Variants in SHROOM3 observed in about 807,000 individuals in gnomAD.
The protein encoded by SHROOM3 is shroom family member 3.
A neutral mutation model predicts 138.6 loss-of-function variants in SHROOM3; 47 were observed. The observed-to-expected ratio is 0.34, with a 90% confidence interval of 0.27 to 0.43. The LOEUF is 0.43. SHROOM3 is among the 20% of genes least tolerant of loss of function. The pLI is 1.00. For missense variants in SHROOM3, 2,491 were observed against 2,596.5 expected (o/e 0.96, Z 0.88); for synonymous variants, 1,062 against 1,063.3 (o/e 1.00, Z 0.02).
chr4:76,739,826 G>T lies in SHROOM3; in HGVS notation c.1653G>T (p.Lys551Asn). ...PVEKKPEATA[K>N]YVPSKVHFCS... ...AGAAGAAACCAGAAGCTACAGCCAA[G>T]TATGTCCCCTCCAAAGTCCATTTCT... is the stretch of plus-strand genomic sequence containing the variant. The change falls in exon 5 of 11, where the codon AAG becomes AAT. Residue 551 changes from lysine (K) to asparagine (N), a missense_variant. Lys to Asn is a moderately conservative substitution (Grantham distance 94, BLOSUM62 0). Coordinates refer to ENST00000296043, the MANE Select transcript of SHROOM3 (RefSeq NM_020859.4). 6.2e-7 allele frequency: 1 copy of T among 1,614,210 alleles called. No individual in the cohort carries two copies. The highest frequency in any genetic ancestry group is 8.5e-7 in the Non-Finnish European group (1 of 1,180,042).
In SHROOM3 at chr4:76,459,184, A is replaced by G. The variant is rs17001990; in HGVS notation, c.168+22964A>G. The stretch of plus-strand genomic sequence containing the variant: ...TCTCTTTGAACATAACCAGTAAAGG[A>G]AAGAAGCATCCGTGGCCATCAAACT... On this transcript the variant is annotated intron_variant, in intron 1 of 10. Coordinates refer to ENST00000296043, the MANE Select transcript of SHROOM3 (RefSeq NM_020859.4). Among the ~76,000 whole-genome samples, 899 of 152,306 alleles carry G rather than the reference A, an allele frequency of 5.9e-3. 11 individuals are homozygous for G. The highest frequency in any genetic ancestry group is 0.021 in the African/African-American group (853 of 41,570).
intron 1 of SHROOM3, among the ~76,000 whole-genome samples, chr4:76,484,600 CAAACAAACAAAA>C (rs386676259): frequency 0.016 from 2,442 of 148,184 alleles, 61 homozygotes; most frequent in African/African-American, 0.055. Context: ...AACAAACAAA[CAAACAAACAAAA>C]AGTCTTAGGA....
chr4:76,600,493 T>A (rs537802083), intron 2 of SHROOM3, among the ~76,000 whole-genome samples: 14 of 152,306 alleles, frequency 9.2e-5, no homozygotes, highest in Admixed American at 9.2e-4. Flanking sequence ...AATAGGCCAC[T>A]GAAGCTACAC....
intron 2 of SHROOM3, among the ~76,000 whole-genome samples, chr4:76,577,788 T>C (rs1167414483): frequency 6.6e-6 from 1 of 152,218 alleles, no homozygotes; most frequent in Non-Finnish European, 1.5e-5. Flanking sequence ...GCATACATTT[T>C]CTGAGAGGGA....
At chr4:76,529,284 C>T (rs947188252) in intron 1 of SHROOM3, among the ~76,000 whole-genome samples, 23 of 151,890 alleles carry the variant, frequency 1.5e-4, no homozygotes, top group African/African-American at 5.6e-4. Flanking sequence ...CTTATGTTGG[C>T]TTAGGGCTCT....
intron 1 of SHROOM3, among the ~76,000 whole-genome samples, chr4:76,511,307 A>C (rs903286454): frequency 1.3e-5 from 2 of 151,892 alleles, no homozygotes; most frequent in Admixed American, 6.6e-5. Context: ...CAGTAGGATA[A>C]GATGGTATTA....
At chr4:76,479,458 A>G (rs28789721) in intron 1 of SHROOM3, among the ~76,000 whole-genome samples, 7,813 of 151,902 alleles carry the variant, frequency 0.051, 249 homozygotes, top group African/African-American at 0.083. Context: ...AATGAACAAA[A>G]CCTCCAAAAA....
intron 1 of SHROOM3, among the ~76,000 whole-genome samples, chr4:76,524,881 G>A (rs1200392589): frequency 1.3e-5 from 2 of 152,112 alleles, no homozygotes; most frequent in Middle Eastern, 3.2e-3. Flanking sequence ...CAGGCCAAAG[G>A]TAGGCATGCC....
intron 1 of SHROOM3, chr4:76,509,209 T>A (rs1212434934): frequency 2.0e-5 from 3 of 152,224 alleles, no homozygotes; most frequent in Non-Finnish European, 4.4e-5. Flanking sequence ...GGAATTTTTT[T>A]AAAATTTCAT....
intron 1 of SHROOM3, among the ~76,000 whole-genome samples, chr4:76,512,736 T>C (rs1732363998): frequency 6.6e-6 from 1 of 152,142 alleles, no homozygotes; most frequent in Non-Finnish European, 1.5e-5. Context: ...GAATCATACA[T>C]TTCTCTTTCA....
intron 1 of SHROOM3, among the ~76,000 whole-genome samples, chr4:76,506,944 T>C (rs1253765761): frequency 6.6e-6 from 1 of 152,182 alleles, no homozygotes; most frequent in East Asian, 1.9e-4. Context: ...CTCTATTTTA[T>C]ATATTTGGTC....
chr4:76,604,856 T>C (rs1431413784), intron 2 of SHROOM3, among the ~76,000 whole-genome samples: 2 of 152,218 alleles, frequency 1.3e-5, no homozygotes, highest in African/African-American at 4.8e-5. Flanking sequence ...AGTAAACAAT[T>C]AGCTGACTAT....
At chr4:76,550,339 GT>G in intron 1 of SHROOM3, among the ~76,000 whole-genome samples, 1 of 152,158 alleles carries the variant, frequency 6.6e-6, no homozygotes, top group Non-Finnish European at 1.5e-5. Context: ...ACCTCAAAGA[GT>G]TTAGGACCTA....
chr4:76,472,729 C>T (rs890843816), intron 1 of SHROOM3, among the ~76,000 whole-genome samples: 1 of 151,080 alleles, frequency 6.6e-6, no homozygotes, highest in Admixed American at 6.6e-5. Flanking sequence ...GAGTCTCCCT[C>T]TGTCGCCCAC....
intron 2 of SHROOM3, among the ~76,000 whole-genome samples, chr4:76,597,921 C>T (rs1370784712): frequency 6.6e-6 from 1 of 152,166 alleles, no homozygotes; most frequent in African/African-American, 2.4e-5. Context: ...TACAATCTCC[C>T]AGGCACTGTG....
chr4:76,454,214 T>C (rs1730982752), intron 1 of SHROOM3, among the ~76,000 whole-genome samples: 1 of 152,158 alleles, frequency 6.6e-6, no homozygotes, highest in Non-Finnish European at 1.5e-5. Flanking sequence ...TGACTAATTT[T>C]TGTATTTTTA....
chr4:76,761,772 T>C (rs894522491), intron 9 of SHROOM3, among the ~76,000 whole-genome samples: 1 of 152,134 alleles, frequency 6.6e-6, no homozygotes, highest in Non-Finnish European at 1.5e-5. Context: ...TTCGAGTCAT[T>C]TGGAGTGCCT....
chr4:76,585,981 A>G (rs1216616359), intron 2 of SHROOM3, among the ~76,000 whole-genome samples: 1 of 152,192 alleles, frequency 6.6e-6, no homozygotes, highest in East Asian at 1.9e-4. Flanking sequence ...CGTCGTGTTT[A>G]TGAGTCAGAG....
In SHROOM3 at chr4:76,750,609, C is replaced by T. The variant is rs139422896; in HGVS notation, c.3827+1519C>T. Among the ~76,000 whole-genome samples the T allele has an allele frequency of 2.6e-4, 40 of 152,190 alleles. No homozygotes were observed. The East Asian group carries it at 5.8e-3, about 22-fold the overall frequency. ...AAATTATCTTTACATCAAACCCCAG[C>T]GTCATGCAATTTACCCATGTAACAA... is the stretch of plus-strand genomic sequence containing the variant. On this transcript the variant is annotated intron_variant, in intron 6 of 10. Coordinates refer to ENST00000296043, the MANE Select transcript of SHROOM3 (RefSeq NM_020859.4).
Sources: allele counts gnomAD v4.1 joint callset (sites outside exome capture counted in the v4.1 genomes callset), GRCh38; gene constraint gnomAD v4.1.1; transcripts MANE v1.5; gene names NCBI Gene and HGNC (gene_info 2026-07-23, HGNC 2026-07-21).